The following PKD2L2 variants were observed in gnomAD, a reference collection of about 807,000 sequenced individuals.
PKD2L2 encodes polycystin-2-like protein 2.
Under a neutral mutation model 83.9 loss-of-function variants are expected in PKD2L2, and 67 were observed. The ratio of observed to expected loss-of-function variants is 0.80; its 90% CI spans 0.66 to 0.98. The LOEUF (loss-of-function observed/expected upper bound fraction) is 0.98. Among genes scored for constraint, PKD2L2 ranks in the 50% least tolerant of loss-of-function variants. The pLI, the probability that PKD2L2 is intolerant of heterozygous loss-of-function variation, is 0.00. For synonymous variants in PKD2L2, 223 were observed against 237.8 expected (o/e 0.94, Z 0.57); for missense variants, 632 against 717.2 (o/e 0.88, Z 1.36).
At chr5:137,933,208 G>GT (rs1220777964) in intron 12 of PKD2L2, among the ~76,000 whole-genome samples, 2 of 152,160 alleles carry the variant, frequency 1.3e-5, no homozygotes, top group African/African-American at 4.8e-5. Flanking sequence ...GAGCTGAACA[G>GT]TTGGTCCATT....
chr5:137,940,277 A>C, intron 14 of PKD2L2: 1 of 1,613,666 alleles, frequency 6.2e-7, no homozygotes. Context: ...AAGAAGCCTA[A>C]GCTTGGCTTT....
intron 9 of PKD2L2, among the ~76,000 whole-genome samples, chr5:137,922,513 G>A (rs910564923): frequency 3.3e-5 from 5 of 152,134 alleles, no homozygotes; most frequent in Admixed American, 6.5e-5. Flanking sequence ...AGAGGCAGGC[G>A]GATCGCTTGA....
intron 12 of PKD2L2, among the ~76,000 whole-genome samples, chr5:137,932,105 C>G (rs1759925065): frequency 6.6e-6 from 1 of 152,106 alleles, no homozygotes; most frequent in Non-Finnish European, 1.5e-5. Context: ...TACCTGTAAT[C>G]CCAGCACTTT....
chr5:137,909,489 A>G (rs1158027766), intron 8 of PKD2L2, among the ~76,000 whole-genome samples: 2 of 151,928 alleles, frequency 1.3e-5, no homozygotes, highest in South Asian at 2.1e-4. Flanking sequence ...CTAAGATAAT[A>G]GAAATTGTCC....
In PKD2L2 at chr5:137,889,472, C is replaced by G. The variant is rs767626506; in HGVS notation, c.-20C>G. ...CCGCGGCCTCAGGCGAACGAACGGG[C>G]GGTGTAGTGCAGGTCCGCCATGGCT... On this transcript the variant is annotated 5_prime_UTR_variant, in exon 1 of 15. Transcript: ENST00000508883. 3.2e-6 allele frequency: 5 copies of G among 1,580,954 alleles called. No individual in the cohort carries two copies. The African/African-American group carries it at 7.0e-5, about 22-fold the overall frequency.
intron 4 of PKD2L2, among the ~76,000 whole-genome samples, chr5:137,897,649 A>G (rs1228213785): frequency 6.6e-6 from 1 of 152,234 alleles, no homozygotes; most frequent in East Asian, 1.9e-4. Context: ...CTAATTAAAA[A>G]CAAAAAATTG....
At chr5:137,928,383 C>T (rs1447579384) in intron 12 of PKD2L2, among the ~76,000 whole-genome samples, 18 of 111,470 alleles carry the variant, frequency 1.6e-4, no homozygotes, top group South Asian at 5.9e-4. Context: ...ACAAAAAGTA[C>T]AAAAAAAAAA....
intron 3 of PKD2L2, among the ~76,000 whole-genome samples, chr5:137,892,996 G>A (rs1469197975): frequency 6.6e-6 from 1 of 152,010 alleles, no homozygotes; most frequent in African/African-American, 2.4e-5. Context: ...GTAATCCCGG[G>A]AGGTGGAGGT....
At chr5:137,912,110 G>A (rs192604034) in intron 8 of PKD2L2, among the ~76,000 whole-genome samples, 157 of 152,280 alleles carry the variant, frequency 1.0e-3, no homozygotes, top group African/African-American at 3.7e-3. Context: ...ATGCTGCAGT[G>A]ACATGGGAGG....
chr5:137,925,622 T>C (rs1759316633), intron 11 of PKD2L2, among the ~76,000 whole-genome samples: 1 of 152,256 alleles, frequency 6.6e-6, no homozygotes, highest in African/African-American at 2.4e-5. Context: ...TTTACACTTG[T>C]ATTTATTAAA....
intron 12 of PKD2L2, among the ~76,000 whole-genome samples, chr5:137,931,866 A>T (rs1299818861): frequency 6.6e-6 from 1 of 152,182 alleles, no homozygotes; most frequent in East Asian, 1.9e-4. Context: ...GTATATGATG[A>T]TCTGAAAAAT....
chr5:137,940,083 T>C (rs778038213), intron 14 of PKD2L2: 1 of 1,614,180 alleles, frequency 6.2e-7, no homozygotes, highest in Admixed American at 1.7e-5. Flanking sequence ...TCATTTGTTT[T>C]GTTTAGTGGC....
chr5:137,920,931 T>C (rs1758839667), intron 8 of PKD2L2, among the ~76,000 whole-genome samples: 1 of 152,178 alleles, frequency 6.6e-6, no homozygotes, highest in Non-Finnish European at 1.5e-5. Flanking sequence ...TTAGGGCTCT[T>C]GGGTCTAAAC....
In PKD2L2 at chr5:137,890,543, T is replaced by G. The variant is rs372255390; in HGVS notation, c.94T>G (p.Leu32Val). The change falls in exon 2 of 15, where the codon TTG (leucine) becomes GTG (valine). Residue 32 changes from leucine to valine, a missense_variant. This residue lies in a region of PKD2L2 where 229 missense variants were observed against 281.5 expected (regional missense o/e 0.81). Transcript: ENST00000508883. Reference sequence around the variant, plus strand: ...AGAAATTACAACCACACTTCAGGAATTGTTACTCTACTTTATTTTTTTAAT... The same window carrying G: ...AGAAATTACAACCACACTTCAGGAAGTGTTACTCTACTTTATTTTTTTAAT... Reference protein sequence around the residue: ...EVEITTTLQELLLYFIFLINL... With the variant: ...EVEITTTLQEVLLYFIFLINL... 3 of 1,563,432 alleles carry G rather than the reference T, an allele frequency of 1.9e-6. No individual in the cohort carries two copies. Among genetic ancestry groups the G allele is most frequent in the Non-Finnish European group, 8.7e-7 (1 of 1,144,848 alleles).
chr5:137,909,003 G>C, intron 8 of PKD2L2, 57 bp downstream of exon 8: 1 of 1,004,966 alleles, frequency 1.0e-6, no homozygotes, highest in Non-Finnish European at 1.5e-6. Flanking sequence ...AAAAAAAATT[G>C]GAAAGGTCTA....
chr5:137,890,444 A>T, intron 1 of PKD2L2, 37 bp from the exon 2 acceptor site: 1 of 1,100,268 alleles, frequency 9.1e-7, no homozygotes, highest in Non-Finnish European at 1.4e-6. Context: ...TAAATTACAT[A>T]ATAATGTAAA....
intron 12 of PKD2L2, among the ~76,000 whole-genome samples, chr5:137,931,369 C>T (rs1012953848): frequency 2.0e-5 from 3 of 152,134 alleles, no homozygotes; most frequent in Non-Finnish European, 4.4e-5. Context: ...TCCCAAATTA[C>T]GTTTATGAAA....
rs79877374 is a variant in PKD2L2 at position 137,904,962 on chromosome 5, C to A, written c.747-1244C>A. On this transcript the variant is annotated intron_variant, in intron 5 of 14. Transcript: ENST00000508883. ...CCTTAAGCAGCCAATGGATATTATA[C>A]CTTTTATTTTAAAGTTCTCTCAGAA... Among the ~76,000 whole-genome samples the A allele has an allele frequency of 5.3e-5, 8 of 152,166 alleles. No homozygotes were observed. In the East Asian group the frequency reaches 1.5e-3, roughly 29 times the overall value.
intron 12 of PKD2L2, among the ~76,000 whole-genome samples, chr5:137,933,149 C>T (rs1371696020): frequency 6.6e-6 from 1 of 151,684 alleles, no homozygotes; most frequent in Non-Finnish European, 1.5e-5. Context: ...GGGAATGAAG[C>T]TTACAAAGCC....
Sources: allele counts gnomAD v4.1 joint callset (sites outside exome capture counted in the v4.1 genomes callset), GRCh38; gene constraint gnomAD v4.1.1; regional missense constraint gnomAD v4.1.1; transcripts MANE v1.5; gene names NCBI Gene and HGNC (gene_info 2026-07-23, HGNC 2026-07-21).